Variants in MSI2 observed in about 807,000 individuals in gnomAD.
MSI2 encodes musashi RNA binding protein 2.
A neutral mutation model predicts 45.6 loss-of-function variants in MSI2; 17 were observed. That is an observed-to-expected ratio of 0.37 (90% confidence interval 0.26 to 0.56). The LOEUF (loss-of-function observed/expected upper bound fraction) is 0.56, where lower values mean the gene tolerates loss of function less well. Among genes scored for constraint, MSI2 ranks in the 20% least tolerant of loss-of-function variants. The probability of loss-of-function intolerance (pLI) is 0.77; values close to 1 mark genes in which losing one functional copy is unlikely to be tolerated. For synonymous variants in MSI2, 156 were observed against 158.2 expected (o/e 0.99, Z 0.11); for missense variants, 293 against 444.2 (o/e 0.66, Z 3.06).
chr17:57,278,365 G>A (rs1454312362), intron 5 of MSI2: 6 of 152,380 alleles, frequency 3.9e-5, no homozygotes, highest in Non-Finnish European at 8.8e-5. Context: ...GCTTCGAGGA[G>A]ATGGGGACTG....
chr17:57,587,696 T>C (rs999777287), intron 7 of MSI2, among the ~76,000 whole-genome samples: 1 of 152,164 alleles, frequency 6.6e-6, no homozygotes, highest in African/African-American at 2.4e-5. Context: ...TTGCCTGTGC[T>C]TGAGCCACTT....
intron 11 of MSI2, among the ~76,000 whole-genome samples, chr17:57,669,303 G>A (rs893073375): frequency 6.6e-6 from 1 of 152,212 alleles, no homozygotes; most frequent in Non-Finnish European, 1.5e-5. Flanking sequence ...AGTAAAGAGT[G>A]GCTGGCTGTT....
At chr17:57,307,905 CTT>C (rs1367407955) in intron 5 of MSI2, among the ~76,000 whole-genome samples, 1 of 152,248 alleles carries the variant, frequency 6.6e-6, no homozygotes, top group Non-Finnish European at 1.5e-5. Flanking sequence ...TTTTCTCTCT[CTT>C]GGACCATAAC....
intron 8 of MSI2, among the ~76,000 whole-genome samples, chr17:57,605,092 A>G (rs996039161): frequency 1.3e-5 from 2 of 152,202 alleles, no homozygotes; most frequent in East Asian, 3.9e-4. Flanking sequence ...TTATAAAATG[A>G]GAATGTCAAA....
intron 7 of MSI2, among the ~76,000 whole-genome samples, chr17:57,571,581 A>G (rs1035462774): frequency 7.2e-5 from 11 of 152,200 alleles, no homozygotes; most frequent in Non-Finnish European, 1.3e-4. Context: ...GGTGTGGTCA[A>G]CGACAAGGGT....
chr17:57,593,129 G>A (rs1201540434), intron 7 of MSI2, among the ~76,000 whole-genome samples: 2 of 152,166 alleles, frequency 1.3e-5, no homozygotes, highest in African/African-American at 2.4e-5. Context: ...GCCAGGATGG[G>A]TTTTTCTCAT....
intron 6 of MSI2, among the ~76,000 whole-genome samples, chr17:57,523,214 A>AT (rs1240280672): frequency 6.6e-6 from 1 of 151,912 alleles, no homozygotes; most frequent in Admixed American, 6.6e-5. Flanking sequence ...CGCCCACCTA[A>AT]TTTTTTGTAT....
intron 6 of MSI2, among the ~76,000 whole-genome samples, chr17:57,513,700 C>G (rs184187458): frequency 2.0e-5 from 3 of 152,186 alleles, no homozygotes; most frequent in Non-Finnish European, 2.9e-5. Context: ...AGCCTCACCC[C>G]CCTCCCGGGC....
rs981343186 is a variant in MSI2 at position 57,681,691 on chromosome 17, G to T, written c.*2174G>T. Reference sequence around the variant, plus strand: ...ATAAAATGTTAGGTTGTTTGGTGAGGTTTTTTTGTTGTTTTTTTCCTTTCT... The same window carrying T: ...ATAAAATGTTAGGTTGTTTGGTGAGTTTTTTTTGTTGTTTTTTTCCTTTCT... On this transcript the variant is annotated 3_prime_UTR_variant, in exon 14 of 14. Transcript: ENST00000284073. 5.2e-6 allele frequency: 1 copy of T among 190,976 alleles called. No homozygotes were observed. The highest frequency in any genetic ancestry group is 1.1e-5 in the Non-Finnish European group (1 of 91,550). The allele number at this position is 190,976 out of a possible 1,614,324, so 11.8% of individuals were successfully genotyped here.
intron 8 of MSI2, among the ~76,000 whole-genome samples, chr17:57,615,107 C>T (rs1038095651): frequency 6.7e-6 from 1 of 148,974 alleles, no homozygotes; most frequent in African/African-American, 2.5e-5. Context: ...GGAGGGCTTT[C>T]AGCATGTTGC....
intron 9 of MSI2, 69 bp downstream of exon 9, chr17:57,616,153 G>T: frequency 3.3e-6 from 4 of 1,216,502 alleles, no homozygotes; most frequent in Non-Finnish European, 4.8e-6. Flanking sequence ...TCCCAACTGG[G>T]TCACCTACCA....
intron 7 of MSI2, among the ~76,000 whole-genome samples, chr17:57,551,488 A>G (rs1261327852): frequency 6.6e-6 from 1 of 152,038 alleles, no homozygotes; most frequent in Non-Finnish European, 1.5e-5. Context: ...TTGCTATTGG[A>G]TTGGAAATTG....
chr17:57,579,382 G>T (rs1442313046), intron 7 of MSI2, among the ~76,000 whole-genome samples: 2 of 152,210 alleles, frequency 1.3e-5, no homozygotes, highest in African/African-American at 4.8e-5. Flanking sequence ...CATGCTGGGT[G>T]GTGGGAGAGG....
intron 7 of MSI2, among the ~76,000 whole-genome samples, chr17:57,549,353 A>G (rs1296175493): frequency 3.1e-5 from 4 of 130,544 alleles, no homozygotes; most frequent in Non-Finnish European, 6.2e-5. Context: ...GTTTAGTTGC[A>G]CAGTGCCCAG....
intron 5 of MSI2, among the ~76,000 whole-genome samples, chr17:57,392,094 C>T (rs1191320569): frequency 6.6e-6 from 1 of 152,196 alleles, no homozygotes; most frequent in African/African-American, 2.4e-5. Flanking sequence ...TAGCCAGCCA[C>T]CTCGCTCTGC....
chr17:57,624,044 G>T (rs1210694363), intron 9 of MSI2, among the ~76,000 whole-genome samples: 1 of 152,200 alleles, frequency 6.6e-6, no homozygotes, highest in Non-Finnish European at 1.5e-5. Flanking sequence ...CAAAGTTGGG[G>T]TGAACTTGAC....
chr17:57,596,650 T>C lies in MSI2; in HGVS notation c.455-218T>C, dbSNP rs1422217602. Among the ~76,000 whole-genome samples the C allele has an allele frequency of 2.0e-5, 3 of 152,222 alleles. No homozygotes were observed. Among genetic ancestry groups the C allele is most frequent in the Admixed American group, 6.5e-5 (1 of 15,290 alleles). ...TGTAAACCACACAGTGCCCGCTGCATGTGGGTGAAATCATTAACTTTTCCT... is the reference window on the plus strand; with the variant it reads ...TGTAAACCACACAGTGCCCGCTGCACGTGGGTGAAATCATTAACTTTTCCT... On this transcript the variant is annotated intron_variant, in intron 7 of 13. Transcript: ENST00000284073. This position sits in a 1 kb window ranked among gnomAD's most constrained non-coding sequence, Gnocchi z 4.6.
chr17:57,323,186 A>G (rs1316885217), intron 5 of MSI2, among the ~76,000 whole-genome samples: 2 of 152,170 alleles, frequency 1.3e-5, no homozygotes, highest in South Asian at 2.1e-4. Flanking sequence ...CCCACCCCCA[A>G]GGCATTACCC....
At chr17:57,290,174 A>G (rs887658702) in intron 5 of MSI2, among the ~76,000 whole-genome samples, 1 of 152,204 alleles carries the variant, frequency 6.6e-6, no homozygotes, top group African/African-American at 2.4e-5. Context: ...TAACATGGGG[A>G]TGAGAGTAAT....
Sources: allele counts gnomAD v4.1 joint callset (sites outside exome capture counted in the v4.1 genomes callset), GRCh38; gene constraint gnomAD v4.1.1; non-coding constraint Gnocchi (gnomAD v3.1); transcripts MANE v1.5; gene names NCBI Gene and HGNC (gene_info 2026-07-23, HGNC 2026-07-21).